The following SYT7 variants were observed in gnomAD, a reference collection of about 807,000 sequenced individuals.
SYT7 encodes the protein synaptotagmin-7.
Under a neutral mutation model 75.1 loss-of-function variants are expected in SYT7, and 29 were observed. That is an observed-to-expected ratio of 0.39 (90% CI 0.29 to 0.53). The LOEUF is 0.53. Ranked by LOEUF, SYT7 falls within the 20% of genes least tolerant of loss-of-function variation. SYT7 has a pLI of 0.77. For synonymous variants in SYT7, 376 were observed against 401.7 expected, an observed-to-expected ratio of 0.94 and a Z score of 0.76; for missense variants, 693 against 953.2, an observed-to-expected ratio of 0.73 and a Z score of 3.59.
intron 7 of SYT7, among the ~76,000 whole-genome samples, chr11:61,535,141 G>A (rs1320541167): frequency 6.6e-6 from 1 of 152,200 alleles, no homozygotes; most frequent in Non-Finnish European, 1.5e-5. Flanking sequence ...GAGGCCGAGG[G>A]GCCCATCACC....
Position 61,523,334 on chromosome 11 carries a change from T to C in SYT7, c.1757-60A>G, listed in dbSNP as rs1260518394. The C allele has an allele frequency of 2.6e-6, 4 of 1,511,244 alleles. No homozygotes were observed. The highest frequency in any genetic ancestry group is 3.7e-6 in the Non-Finnish European group (4 of 1,090,264). The allele number at this position is 1,511,244 out of a possible 1,614,324, so 93.6% of individuals were successfully genotyped here. On this transcript the variant is annotated intron_variant, in intron 11 of 12. Transcript: ENST00000539008. This position sits in a 1 kb window ranked among gnomAD's most constrained non-coding sequence, Gnocchi z 5.0. ...GTGGGGGAGGGACTTCCTAGGATCC[T>C]TTTCCCCTTCCAGGAATGGAAGCTG...
intron 1 of SYT7, among the ~76,000 whole-genome samples, chr11:61,558,469 C>CAA (rs1243483179): frequency 2.0e-5 from 3 of 146,874 alleles, no homozygotes; most frequent in Admixed American, 6.8e-5. Context: ...GACTCTGTTT[C>CAA]AAAAAAATAT....
intron 1 of SYT7, among the ~76,000 whole-genome samples, chr11:61,561,662 G>A (rs2063638704): frequency 6.6e-6 from 1 of 152,120 alleles, no homozygotes; most frequent in Non-Finnish European, 1.5e-5. Context: ...CATTTAATAG[G>A]TGCTCAATAA....
rs2062172406 is a variant in SYT7 at position 61,517,292 on chromosome 11, A to G, written c.*1335T>C. On this transcript the variant is annotated 3_prime_UTR_variant, in exon 13 of 13. Coordinates refer to ENST00000539008, the MANE Select transcript of SYT7 (RefSeq NM_001365809.2). Reference sequence around the variant, plus strand: ...TTTTAGTCTCATCAGTGGCCGAGGCAGAGAAACCACAGCTTCTTTGTGTGT... The same window carrying G: ...TTTTAGTCTCATCAGTGGCCGAGGCGGAGAAACCACAGCTTCTTTGTGTGT... The G allele has an allele frequency of 5.0e-6, 2 of 398,576 alleles. No homozygotes were observed. The highest frequency in any genetic ancestry group is 4.1e-5 in the African/African-American group (2 of 48,634). The allele number at this position is 398,576 out of a possible 1,614,324, so 24.7% of individuals were successfully genotyped here. A position where few individuals can be genotyped will look rare whatever the true frequency, so the allele number is the denominator to read the frequency against.
intron 1 of SYT7, among the ~76,000 whole-genome samples, chr11:61,570,301 T>C (rs1432933299): frequency 6.6e-6 from 1 of 151,762 alleles, no homozygotes; most frequent in East Asian, 1.9e-4. Context: ...GAGTGTGGGG[T>C]GGCAGGCAGA....
Position 61,542,884 on chromosome 11 carries a change from C to T in SYT7, c.573-305G>A, listed in dbSNP as rs2063088760. ...CGACCTCCCTGCCGGTCTGAGTGGGCTGCGAGTGCTGCTGAGGCTGCGTGG... is the reference window on the plus strand; with the variant it reads ...CGACCTCCCTGCCGGTCTGAGTGGGTTGCGAGTGCTGCTGAGGCTGCGTGG... On this transcript the variant is annotated intron_variant, in intron 5 of 12. Coordinates refer to ENST00000539008, the MANE Select transcript of SYT7 (RefSeq NM_001365809.2). This position sits in a 1 kb window ranked among gnomAD's most constrained non-coding sequence, Gnocchi z 7.8. 6.6e-6 allele frequency among the ~76,000 whole-genome samples: 1 copy of T among 152,228 alleles called. No individual in the cohort carries two copies. The highest frequency in any genetic ancestry group is 2.4e-5 in the African/African-American group (1 of 41,472).
chr11:61,572,121 G>C (rs570143673), intron 1 of SYT7, among the ~76,000 whole-genome samples: 9 of 152,292 alleles, frequency 5.9e-5, no homozygotes, highest in African/African-American at 1.4e-4. Flanking sequence ...GAGGTTGGGG[G>C]GGGGGCACAC....
At position 61,551,802 on chromosome 11, in the gene SYT7, G is replaced by A. The variant is rs947747486; in HGVS notation, c.136-339C>T. ...ACAGTTCCCTCTGCCACGGACAGAC[G>A]GCTCTCAGGCGCCTGGCCACGTCAC... On this transcript the variant is annotated intron_variant, in intron 2 of 12. Coordinates refer to ENST00000539008, the MANE Select transcript of SYT7 (RefSeq NM_001365809.2). This position sits in a 1 kb window ranked among gnomAD's most constrained non-coding sequence, Gnocchi z 5.3. Among the ~76,000 whole-genome samples the A allele has an allele frequency of 3.3e-5, 5 of 152,156 alleles. No homozygotes were observed. The highest frequency in any genetic ancestry group is 1.3e-4 in the Admixed American group (2 of 15,284).
intron 8 of SYT7, 120 bp from the exon 9 acceptor site, chr11:61,528,305 C>CGGA (rs1457955044): frequency 7.9e-7 from 1 of 1,265,522 alleles, no homozygotes; most frequent in Non-Finnish European, 1.1e-6. Flanking sequence ...TCACATCCCA[C>CGGA]GGACGCTGCT....
chr11:61,546,466 T>G lies in SYT7; in HGVS notation c.348-211A>C. Reference sequence around the variant, plus strand: ...GAGAGAGAGACATCAGCACTGCAAATGGGTTAACAGCGGAGCCTGCAGAGG... The same window carrying G: ...GAGAGAGAGACATCAGCACTGCAAAGGGGTTAACAGCGGAGCCTGCAGAGG... On this transcript the variant is annotated intron_variant, in intron 4 of 12. Transcript: ENST00000539008. The surrounding 1 kb of genome is among the most constrained non-coding windows in gnomAD (Gnocchi z 7.6). The G allele has an allele frequency of 2.7e-5, 12 of 444,718 alleles. No individual in the cohort carries two copies. The highest frequency in any genetic ancestry group is 3.3e-5 in the Non-Finnish European group (8 of 245,292). The allele number at this position is 444,718 out of a possible 1,614,324, so 27.5% of individuals were successfully genotyped here. A position where few individuals can be genotyped will look rare whatever the true frequency, so the allele number is the denominator to read the frequency against.
In SYT7 at chr11:61,523,049, C is replaced by T. The variant is rs1342496894; in HGVS notation, c.1956+26G>A. ...GGAGCCTCACTGGTGCCAGCAGGTG[C>T]ACCACACCACCTGCCTCGCCCCTAC... On this transcript the variant is annotated intron_variant, in intron 12 of 12. Coordinates refer to ENST00000539008, the MANE Select transcript of SYT7 (RefSeq NM_001365809.2). The surrounding 1 kb of genome is among the most constrained non-coding windows in gnomAD (Gnocchi z 5.0). 2 of 1,611,926 alleles carry T rather than the reference C, an allele frequency of 1.2e-6. No individual in the cohort carries two copies. Among genetic ancestry groups the T allele is most frequent in the South Asian group, 1.1e-5 (1 of 91,010 alleles).
rs199660597 is a variant in SYT7 at position 61,533,053 on chromosome 11, C to T, written c.1136G>A (p.Arg379His). 2.6e-3 allele frequency: 4,174 copies of T among 1,613,272 alleles called. 128 individuals are homozygous for T. In the South Asian group the frequency reaches 0.043, roughly 17 times the overall value. ...PGQTPHDESD[R>H]RTEPRSSVSD... Reference sequence around the variant, plus strand: ...GACGGAGGAACGTGGCTCGGTCCGGCGGTCGGACTCATCGTGGGGTGTCTG... The same window carrying T: ...GACGGAGGAACGTGGCTCGGTCCGGTGGTCGGACTCATCGTGGGGTGTCTG... The change falls in exon 8 of 13, where the codon CGC (arginine) becomes CAC (histidine). Residue 379 changes from arginine to histidine, a missense_variant. Arg to His is a conservative substitution (Grantham distance 29). Transcript: ENST00000539008.
chr11:61,534,835 G>A (rs940934907), intron 7 of SYT7, among the ~76,000 whole-genome samples: 20 of 146,502 alleles, frequency 1.4e-4, no homozygotes, highest in African/African-American at 5.2e-4. Context: ...GGACACGCAC[G>A]CACCACATAC....
chr11:61,548,221 G>A (rs7939113), intron 3 of SYT7, among the ~76,000 whole-genome samples: 2 of 152,204 alleles, frequency 1.3e-5, no homozygotes, highest in Non-Finnish European at 2.9e-5. Context: ...CCTGTGTAGC[G>A]GGAACCTGTC....
At position 61,580,664 on chromosome 11, in the gene SYT7, C is replaced by T; in HGVS notation, c.31+126G>A. The T allele has an allele frequency of 3.4e-6, 2 of 588,236 alleles. No individual in the cohort carries two copies. The highest frequency in any genetic ancestry group is 4.8e-6 in the Non-Finnish European group (2 of 415,236). The allele number at this position is 588,236 out of a possible 1,614,324, so 36.4% of individuals were successfully genotyped here. ...CCGCGCCCCCGGGGCTGGGATGACC[C>T]CTGGGGGAGCCCGTGCGGCTCCGGG... On this transcript the variant is annotated intron_variant, in intron 1 of 12. Transcript: ENST00000539008. This position sits in a 1 kb window ranked among gnomAD's most constrained non-coding sequence, Gnocchi z 6.1.
At chr11:61,518,996 G>C (rs889422150) in intron 12 of SYT7, among the ~76,000 whole-genome samples, 1 of 152,210 alleles carries the variant, frequency 6.6e-6, no homozygotes, top group Non-Finnish European at 1.5e-5. Flanking sequence ...TTTGCAGTGG[G>C]GTCTGGAAGG....
At chr11:61,587,401 C>G in the SYT7 span, among the ~76,000 whole-genome samples, 1 of 152,242 alleles carries the variant, frequency 6.6e-6, no homozygotes, top group African/African-American at 2.4e-5. Flanking sequence ...CATGCAGGCC[C>G]ACGATGATAG....
chr11:61,523,725 G>T lies in SYT7; in HGVS notation c.1756+102C>A. ...ACTGGAGGTCGGGGTGTGGCGGGTT[G>T]GGGTGAGGACCACTGCAGACCCTGC... On this transcript the variant is annotated intron_variant, in intron 11 of 12. Coordinates refer to ENST00000539008, the MANE Select transcript of SYT7 (RefSeq NM_001365809.2). This position sits in a 1 kb window ranked among gnomAD's most constrained non-coding sequence, Gnocchi z 5.0. 3.3e-6 allele frequency: 4 copies of T among 1,221,894 alleles called. No individual in the cohort carries two copies. The highest frequency in any genetic ancestry group is 1.4e-5 in the South Asian group (1 of 73,662). 75.7% of individuals were successfully genotyped at this position (1,221,894 alleles called of 1,614,324 possible).
At chr11:61,530,753 G>C (rs2062679981) in intron 8 of SYT7, 2 of 961,722 alleles carry the variant, frequency 2.1e-6, no homozygotes, top group East Asian at 1.1e-4. Context: ...GCCTGGGCTG[G>C]CCAGGTAGGT....
Sources: gnomAD v4.1 joint callset for allele counts (sites outside exome capture counted in the v4.1 genomes callset) on GRCh38, gnomAD v4.1.1 for gene constraint, Gnocchi (gnomAD v3.1) non-coding constraint, MANE v1.5 for transcripts, NCBI Gene and HGNC (gene_info 2026-07-23, HGNC 2026-07-21) for gene names.